The following SAMM50 variants were observed in gnomAD, a reference collection of about 807,000 sequenced individuals.
SAMM50 encodes sorting and assembly machinery component 50 homolog.
Under a neutral mutation model 66.9 loss-of-function variants are expected in SAMM50, and 47 were observed. That is an observed-to-expected ratio of 0.70 (90% CI 0.56 to 0.90). The LOEUF (loss-of-function observed/expected upper bound fraction) is 0.90, where lower values mean the gene tolerates loss of function less well. Ranked by LOEUF, SAMM50 falls within the 40% of genes least tolerant of loss-of-function variation. The pLI, the probability that SAMM50 is intolerant of heterozygous loss-of-function variation, is 0.00. For synonymous variants in SAMM50, 191 were observed against 214.1 expected, an observed-to-expected ratio of 0.89 and a Z score of 0.94; for missense variants, 535 against 595.3, an observed-to-expected ratio of 0.90 and a Z score of 1.05.
chr22:43,960,939 C>T (rs1052323778), intron 1 of SAMM50, among the ~76,000 whole-genome samples: 1 of 152,038 alleles, frequency 6.6e-6, no homozygotes, highest in Non-Finnish European at 1.5e-5. Context: ...GCGGGTGGAG[C>T]GGGTGGTGGA....
At chr22:43,955,673 C>G (rs1453997669) in intron 1 of SAMM50, 75 bp downstream of exon 1, 8 of 1,465,556 alleles carry the variant, frequency 5.5e-6, no homozygotes, top group African/African-American at 2.8e-5. Flanking sequence ...GGGAGACGCT[C>G]TCGTGGCTGC....
intron 13 of SAMM50, 28 bp downstream of exon 13, chr22:43,989,285 T>C (rs1474668667): frequency 1.6e-5 from 26 of 1,612,474 alleles, no homozygotes; most frequent in Non-Finnish European, 2.0e-5. Flanking sequence ...CAAGAAACCA[T>C]TGTAGTACAG....
rs759960058 is a variant in SAMM50, at chr22:43,981,513, T to C, written c.1007+52T>C. On this transcript the variant is annotated intron_variant, in intron 11 of 14. Coordinates refer to ENST00000350028, the MANE Select transcript of SAMM50 (RefSeq NM_015380.5). ...TTTGCACATATTTTCCTTTGGATCT[T>C]TTCAGTTGTTTTTTATAAGATATTT... is the stretch of plus-strand genomic sequence containing the variant. 5.5e-6 allele frequency: 7 copies of C among 1,270,224 alleles called. No homozygotes were observed. The African/African-American group carries it at 1.0e-4, about 19-fold the overall frequency. 78.7% of individuals were successfully genotyped at this position (1,270,224 alleles called of 1,614,324 possible). A position where few individuals can be genotyped will look rare whatever the true frequency, so the allele number is the denominator to read the frequency against.
intron 3 of SAMM50, among the ~76,000 whole-genome samples, chr22:43,966,899 G>C (rs999657995): frequency 7.9e-5 from 12 of 151,110 alleles, no homozygotes; most frequent in African/African-American, 2.4e-4. Flanking sequence ...GGCTTTTGTT[G>C]ATTTGCAATA....
intron 12 of SAMM50, chr22:43,987,913 T>TATATACAC (rs745965697): frequency 2.0e-5 from 3 of 151,292 alleles, no homozygotes; most frequent in African/African-American, 7.3e-5. Flanking sequence ...TATATATATA[T>TATATACAC]ACACACACAG....
At chr22:43,991,039 C>G (rs1382725619) in intron 14 of SAMM50, among the ~76,000 whole-genome samples, 1 of 151,242 alleles carries the variant, frequency 6.6e-6, no homozygotes, top group Non-Finnish European at 1.5e-5. Context: ...TGCAATAGCA[C>G]GATCTTGGCT....
intron 4 of SAMM50, among the ~76,000 whole-genome samples, chr22:43,971,238 T>C (rs1244310707): frequency 6.6e-6 from 1 of 152,234 alleles, no homozygotes; most frequent in Non-Finnish European, 1.5e-5. Flanking sequence ...GAGCGGTGCC[T>C]GAGCATCAGC....
chr22:43,973,698 C>T (rs1339486929), intron 7 of SAMM50, among the ~76,000 whole-genome samples: 1 of 152,154 alleles, frequency 6.6e-6, no homozygotes, highest in East Asian at 1.9e-4. Flanking sequence ...TACAATGGCA[C>T]GATCTCGGCT....
Position 43,976,122 on chromosome 22 carries a change from C to T in SAMM50, c.716C>T (p.Ser239Leu), listed in dbSNP as rs765107676. 6.2e-7 allele frequency: 1 copy of T among 1,612,198 alleles called. No homozygotes were observed. Among genetic ancestry groups the T allele is most frequent in the Non-Finnish European group, 8.5e-7 (1 of 1,178,304 alleles). The change falls in exon 8 of 15, where the codon TCA becomes TTA. Residue 239 changes from serine to leucine, a missense_variant. By Grantham distance (145) the Ser-to-Leu change is moderately radical. Coordinates refer to ENST00000350028, the MANE Select transcript of SAMM50 (RefSeq NM_015380.5). The part of the protein sequence containing the change: ...EGVWRELGCL[S>L]RTASFAVRKE... ...GTATGGCGAGAACTGGGCTGCCTCT[C>T]AAGGACGGCGTCATTTGCTGTTCGA...
In SAMM50 at chr22:43,976,026, C is replaced by T. The variant is rs199925497; in HGVS notation, c.649-29C>T. 216 of 1,590,386 alleles carry T rather than the reference C, an allele frequency of 1.4e-4. No individual in the cohort carries two copies. The East Asian group carries it at 1.7e-3, about 13-fold the overall frequency. On this transcript the variant is annotated intron_variant, in intron 7 of 14. Coordinates refer to ENST00000350028, the MANE Select transcript of SAMM50 (RefSeq NM_015380.5). ...AACAAGTTCCTAAGTATGTGTGGTCCGGAAAGATGTCTGATCTCCATGTTG... is the reference window on the plus strand; with the variant it reads ...AACAAGTTCCTAAGTATGTGTGGTCTGGAAAGATGTCTGATCTCCATGTTG...
rs905780411 is a variant in SAMM50, at chr22:43,984,152, G to A, written c.1075+152G>A. 2.3e-5 allele frequency: 14 copies of A among 618,960 alleles called. No homozygotes were observed. In the East Asian group the frequency reaches 2.9e-4, roughly 13 times the overall value. The allele number at this position is 618,960 out of a possible 1,614,324, so 38.3% of individuals were successfully genotyped here. A position where few individuals can be genotyped will look rare whatever the true frequency, so the allele number is the denominator to read the frequency against. On this transcript the variant is annotated intron_variant, in intron 12 of 14. Coordinates refer to ENST00000350028, the MANE Select transcript of SAMM50 (RefSeq NM_015380.5). ...ACACAGAACTTACCATGTAGCAGGT[G>A]TAGAACATTTATTGAGAGAATTGTA...
intron 14 of SAMM50, among the ~76,000 whole-genome samples, chr22:43,991,527 C>T (rs1569036724): frequency 6.6e-6 from 1 of 152,156 alleles, no homozygotes; most frequent in Non-Finnish European, 1.5e-5. Flanking sequence ...ATTGGCCTCC[C>T]AAAGTACTGG....
chr22:43,963,302 C>T lies in SAMM50; in HGVS notation c.38C>T (p.Pro13Leu). ...CCCTTTCAGAGTTTGGAGCCTCTTC[C>T]ATCAAGTGGACCTGATTTTGGAGGA... Reference protein sequence around the residue: ...TVHARSLEPLPSSGPDFGGLG... With the variant: ...TVHARSLEPLLSSGPDFGGLG... The change falls in exon 2 of 15, where the codon CCA becomes CTA. Residue 13 changes from proline (P) to leucine (L), a missense_variant. Pro to Leu is a moderately conservative substitution (Grantham distance 98). Transcript: ENST00000350028. 6.2e-7 allele frequency: 1 copy of T among 1,609,572 alleles called. No homozygotes were observed. Among genetic ancestry groups the T allele is most frequent in the East Asian group, 2.2e-5 (1 of 44,640 alleles).
At chr22:43,968,233 AAAAAAAAAAAAAAAG>A (rs2050184107) in intron 3 of SAMM50, among the ~76,000 whole-genome samples, 3 of 145,990 alleles carry the variant, frequency 2.1e-5, no homozygotes, top group Admixed American at 2.0e-4. Context: ...TCTCAAAAAA[AAAAAAAAAAAAAAAG>A]AAAAAAGAAA....
At chr22:43,978,006 G>A (rs1257759895) in intron 10 of SAMM50, 48 bp downstream of exon 10, 17 of 1,284,250 alleles carry the variant, frequency 1.3e-5, no homozygotes, top group Non-Finnish European at 1.9e-5. Flanking sequence ...CCCTTACTTT[G>A]GGGATCTTAC....
At chr22:43,996,295 C>T in intron 14 of SAMM50, 43 bp from the exon 15 acceptor site, 2 of 1,609,220 alleles carry the variant, frequency 1.2e-6, no homozygotes, top group Non-Finnish European at 8.5e-7. Context: ...GATGGCAGGG[C>T]TGGCGGAGCG....
At position 43,955,516 on chromosome 22, in the gene SAMM50, T is replaced by A. The variant is rs1380284688; in HGVS notation, c.-62T>A. On this transcript the variant is annotated 5_prime_UTR_variant, in exon 1 of 15. Transcript: ENST00000350028. ...GCCACCGCGGACCCGCCTTCTGCCC[T>A]CAGCAGCAGACGCTCTGTCCCGCCC... 2 of 1,564,052 alleles carry A rather than the reference T, an allele frequency of 1.3e-6. No homozygotes were observed. Among genetic ancestry groups the A allele is most frequent in the Non-Finnish European group, 1.7e-6 (2 of 1,153,090 alleles).
At chr22:43,963,578 C>T (rs959245353) in intron 2 of SAMM50, among the ~76,000 whole-genome samples, 182 bp downstream of exon 2, 1 of 152,178 alleles carries the variant, frequency 6.6e-6, no homozygotes, top group Non-Finnish European at 1.5e-5. Context: ...TTAAAGAAGT[C>T]GCTCTTCCTT....
At position 43,967,259 on chromosome 22, in the gene SAMM50, G is replaced by A. The variant is rs557982887; in HGVS notation, c.235-1472G>A. ...TGTGTTGAGCTGTAGCCCTGACTAT[G>A]CAACTGCCGACTCATCGTTTCCTCA... On this transcript the variant is annotated intron_variant, in intron 3 of 14. Transcript: ENST00000350028. Among the ~76,000 whole-genome samples the A allele has an allele frequency of 2.6e-3, 399 of 152,260 alleles. 1 individual carries two copies. Among genetic ancestry groups the A allele is most frequent in the Non-Finnish European group, 4.7e-3 (319 of 68,020 alleles).
Sources: gnomAD v4.1 joint callset for allele counts (sites outside exome capture counted in the v4.1 genomes callset) on GRCh38, gnomAD v4.1.1 for gene constraint, MANE v1.5 for transcripts, NCBI Gene and HGNC (gene_info 2026-07-23, HGNC 2026-07-21) for gene names.